CFAP20: variants seen among roughly 807,000 people sequenced by gnomAD.
CFAP20 encodes cilia and flagella associated protein 20.
In CFAP20, 14 loss-of-function variants were observed where a neutral mutation model predicts 25.5. That is an observed-to-expected ratio of 0.55 (90% CI 0.36 to 0.86). The LOEUF (loss-of-function observed/expected upper bound fraction) is 0.86, where lower values mean the gene tolerates loss of function less well. Among genes scored for constraint, CFAP20 ranks in the 40% least tolerant of loss-of-function variants. CFAP20 has a pLI of 0.01. For synonymous variants in CFAP20, 75 were observed against 91.1 expected, an observed-to-expected ratio of 0.82 and a Z score of 1.01; for missense variants, 181 against 248.0, an observed-to-expected ratio of 0.73 and a Z score of 1.81.
chr16:58,113,836 T>C lies in CFAP20; in HGVS notation c.*189A>G. 1 of 654,654 alleles carries C rather than the reference T, an allele frequency of 1.5e-6. No individual in the cohort carries two copies. The highest frequency in any genetic ancestry group is 2.7e-6 in the Non-Finnish European group (1 of 373,790). The allele number at this position is 654,654 out of a possible 1,614,324, so 40.6% of individuals were successfully genotyped here. A position where few individuals can be genotyped will look rare whatever the true frequency, so the allele number is the denominator to read the frequency against. On this transcript the variant is annotated 3_prime_UTR_variant, in exon 6 of 6. Transcript: ENST00000262498. ...CACTCACAGGACTGCTTACCCCCAC[T>C]GCACTTACAATGCAGTCACAGAGTT...
chr16:58,122,730 G>T (rs890934099), intron 1 of CFAP20, among the ~76,000 whole-genome samples: 2 of 152,132 alleles, frequency 1.3e-5, no homozygotes, highest in Admixed American at 6.5e-5. Flanking sequence ...ACTGAAAACA[G>T]CACCAATTTA....
intron 1 of CFAP20, among the ~76,000 whole-genome samples, chr16:58,122,943 A>G (rs895388078): frequency 6.6e-6 from 1 of 152,190 alleles, no homozygotes; most frequent in East Asian, 1.9e-4. Flanking sequence ...GGAAAGACAG[A>G]CAAAGGCGTT....
At chr16:58,115,233 C>A (rs756694849) in intron 4 of CFAP20, 36 bp downstream of exon 4, 36 of 1,613,224 alleles carry the variant, frequency 2.2e-5, no homozygotes, top group Middle Eastern at 3.3e-4. Context: ...GTGCCCTATC[C>A]CCAACCCAGG....
At chr16:58,114,441 C>G (rs1960428330) in intron 5 of CFAP20, among the ~76,000 whole-genome samples, 1 of 151,760 alleles carries the variant, frequency 6.6e-6, no homozygotes, top group Admixed American at 6.6e-5. Flanking sequence ...CACAAGAATC[C>G]CTTGAACCTG....
At chr16:58,124,360 C>T (rs1960580666) in intron 1 of CFAP20, among the ~76,000 whole-genome samples, 1 of 152,168 alleles carries the variant, frequency 6.6e-6, no homozygotes, top group Non-Finnish European at 1.5e-5. Context: ...TTCTGTATGT[C>T]ATTACTTATA....
rs773010246 is a variant in CFAP20, at chr16:58,116,025, A to G, written c.276+16T>C. On this transcript the variant is annotated intron_variant, in intron 3 of 5. Transcript: ENST00000262498. Reference sequence around the variant, plus strand: ...GGTATAGCCAAGAGTGGACACATTCATGTACACATACTTACCTGCACTTCG... The same window carrying G: ...GGTATAGCCAAGAGTGGACACATTCGTGTACACATACTTACCTGCACTTCG... 3 of 1,548,864 alleles carry G rather than the reference A, an allele frequency of 1.9e-6. No individual in the cohort carries two copies. The highest frequency in any genetic ancestry group is 3.3e-5 in the Admixed American group (2 of 59,860).
intron 1 of CFAP20, among the ~76,000 whole-genome samples, chr16:58,118,465 T>C (rs1960487346): frequency 1.7e-5 from 2 of 117,700 alleles, no homozygotes; most frequent in Admixed American, 9.1e-5. Context: ...CCTAGAGGAG[T>C]AGGTGACAGA....
chr16:58,117,842 G>A (rs1270448216), intron 1 of CFAP20, among the ~76,000 whole-genome samples: 2 of 152,192 alleles, frequency 1.3e-5, no homozygotes, highest in Non-Finnish European at 2.9e-5. Flanking sequence ...CCTGCTTCAT[G>A]CTTCCCTATC....
At chr16:58,124,489 C>T (rs1212492509) in intron 1 of CFAP20, among the ~76,000 whole-genome samples, 1 of 152,182 alleles carries the variant, frequency 6.6e-6, no homozygotes, top group Non-Finnish European at 1.5e-5. Flanking sequence ...TTAGACAGTA[C>T]AACATCCTAC....
At chr16:58,117,506 G>C (rs956600323) in intron 1 of CFAP20, among the ~76,000 whole-genome samples, 1 of 152,110 alleles carries the variant, frequency 6.6e-6, no homozygotes, top group Non-Finnish European at 1.5e-5. Context: ...TTGGCTCACC[G>C]CAACCTCTGC....
chr16:58,125,088 A>G (rs2142369973), intron 1 of CFAP20, among the ~76,000 whole-genome samples: 1 of 152,302 alleles, frequency 6.6e-6, no homozygotes, highest in African/African-American at 2.4e-5. Flanking sequence ...TTCTTTCTAT[A>G]TATCTTTATT....
At chr16:58,128,827 G>T (rs1192275633) in intron 1 of CFAP20, among the ~76,000 whole-genome samples, 1 of 93,868 alleles carries the variant, frequency 1.1e-5, no homozygotes, top group Admixed American at 1.0e-4. Context: ...CCACCCACAT[G>T]CACCGCCCCC....
chr16:58,129,166 G>A lies in CFAP20; in HGVS notation c.-51C>T, dbSNP rs1233550382. ...GCCCCCGGAGCCGACCTAGGCCCCG[G>A]AGTAGATACAGGCACCGAGCGTCGA... On this transcript the variant is annotated 5_prime_UTR_variant, in exon 1 of 6. Coordinates refer to ENST00000262498, the MANE Select transcript of CFAP20 (RefSeq NM_013242.3). 4 of 1,596,656 alleles carry A rather than the reference G, an allele frequency of 2.5e-6. No homozygotes were observed. Among genetic ancestry groups the A allele is most frequent in the Admixed American group, 3.4e-5 (2 of 59,362 alleles).
intron 4 of CFAP20, 48 bp downstream of exon 4, chr16:58,115,221 G>T (rs375326849): frequency 1.7e-4 from 279 of 1,606,434 alleles, no homozygotes; most frequent in Non-Finnish European, 2.3e-4. Context: ...ATTAGACGCA[G>T]TGTGCCCTAT....
chr16:58,115,105 G>A (rs1380996853), intron 4 of CFAP20, 164 bp downstream of exon 4: 26 of 1,101,728 alleles, frequency 2.4e-5, no homozygotes, highest in Admixed American at 8.0e-5. Context: ...TACCTGACCC[G>A]ACTTCTGAAT....
At chr16:58,123,764 T>A (rs1960572411) in intron 1 of CFAP20, among the ~76,000 whole-genome samples, 1 of 152,112 alleles carries the variant, frequency 6.6e-6, no homozygotes, top group Non-Finnish European at 1.5e-5. Flanking sequence ...TGGTCCCAGA[T>A]GTCAAGGTAA....
At chr16:58,123,595 C>CAAAAAAAAAAAAA (rs574037205) in intron 1 of CFAP20, among the ~76,000 whole-genome samples, 3 of 45,720 alleles carry the variant, frequency 6.6e-5, no homozygotes, top group African/African-American at 1.4e-4. Context: ...GACTCTGTCT[C>CAAAAAAAAAAAAA]AAAAAAAAAA....
rs1234297492 is a variant in CFAP20, at chr16:58,115,075, A to G, written c.466-155T>C. On this transcript the variant is annotated intron_variant, in intron 4 of 5. Coordinates refer to ENST00000262498, the MANE Select transcript of CFAP20 (RefSeq NM_013242.3). ...TGGATTCTGGCAAGAGGGAGGTCTTACTTGCTGTATTCACCTCTATACCTG... is the reference window on the plus strand; with the variant it reads ...TGGATTCTGGCAAGAGGGAGGTCTTGCTTGCTGTATTCACCTCTATACCTG... 5.2e-6 allele frequency: 5 copies of G among 970,134 alleles called. No individual in the cohort carries two copies. The East Asian group carries it at 1.3e-4, about 25-fold the overall frequency. 60.1% of individuals were successfully genotyped at this position (970,134 alleles called of 1,614,324 possible). A position where few individuals can be genotyped will look rare whatever the true frequency, so the allele number is the denominator to read the frequency against.
At chr16:58,128,029 C>CA (rs1489942129) in intron 1 of CFAP20, among the ~76,000 whole-genome samples, 1 of 152,222 alleles carries the variant, frequency 6.6e-6, no homozygotes, top group African/African-American at 2.4e-5. Flanking sequence ...GGCATACCCA[C>CA]ACTCGCCATT....
Sources: allele counts gnomAD v4.1 joint callset (sites outside exome capture counted in the v4.1 genomes callset), GRCh38; gene constraint gnomAD v4.1.1; transcripts MANE v1.5; gene names NCBI Gene and HGNC (gene_info 2026-07-23, HGNC 2026-07-21).